IFRD1: variants seen among roughly 807,000 people sequenced by gnomAD.
IFRD1 encodes interferon related developmental regulator 1, also known as interferon-related developmental regulator 1.
In IFRD1, 35 loss-of-function variants were observed where a neutral mutation model predicts 52.9. The observed-to-expected ratio is 0.66, with a 90% confidence interval of 0.51 to 0.88. The LOEUF (loss-of-function observed/expected upper bound fraction) is 0.88. IFRD1 is among the 40% of genes least tolerant of loss of function. The pLI, the probability that IFRD1 is intolerant of heterozygous loss-of-function variation, is 0.00. For synonymous variants in IFRD1, 184 were observed against 188.4 expected, an observed-to-expected ratio of 0.98 and a Z score of 0.19; for missense variants, 517 against 550.8, an observed-to-expected ratio of 0.94 and a Z score of 0.61.
intron 1 of IFRD1, among the ~76,000 whole-genome samples, chr7:112,444,992 C>T (rs1253525094): frequency 6.6e-6 from 1 of 150,796 alleles, no homozygotes; most frequent in South Asian, 2.1e-4. Context: ...CTCCTAGGAA[C>T]AAGCACTCAG....
chr7:112,462,305 A>G lies in IFRD1; in HGVS notation c.833A>G (p.Asp278Gly), dbSNP rs1339967186. ...FHKLPSLLSC[D>G]DVNMRIAAGE... ...AAGCTTCCAAGCCTCCTCTCTTGTG[A>G]TGATGTAAACATGAGAATAGCTGCT... The change falls in exon 8 of 12, where the codon GAT (aspartate) becomes GGT (glycine). Residue 278 changes from aspartate to glycine, a missense_variant. Physicochemically the swap from Asp to Gly is moderately conservative, Grantham distance 94. Transcript: ENST00000403825. The G allele has an allele frequency of 9.3e-6, 15 of 1,613,762 alleles. No individual in the cohort carries two copies. Among genetic ancestry groups the G allele is most frequent in the African/African-American group, 1.3e-5 (1 of 75,034 alleles).
chr7:112,450,456 C>T, upstream of IFRD1: 1 of 573,794 alleles, frequency 1.7e-6, no homozygotes, highest in Non-Finnish European at 3.2e-6. Context: ...GCCTCCCCTG[C>T]CCCGCCTTAG....
upstream of IFRD1, among the ~76,000 whole-genome samples, chr7:112,449,261 G>GA (rs1168351590): frequency 6.6e-6 from 1 of 152,176 alleles, no homozygotes; most frequent in Non-Finnish European, 1.5e-5. Context: ...TTGCTTTGCG[G>GA]GTGGGGAGGG....
At chr7:112,443,225 A>G (rs1409739673) in intron 1 of IFRD1, among the ~76,000 whole-genome samples, 1 of 152,080 alleles carries the variant, frequency 6.6e-6, no homozygotes, top group Non-Finnish European at 1.5e-5. Context: ...AGAAATTTTC[A>G]ACTATTTAAG....
At chr7:112,446,446 A>C (rs1795033011), upstream of IFRD1, 1 of 152,750 alleles carries the variant, frequency 6.5e-6, no homozygotes, top group African/African-American at 2.4e-5. Flanking sequence ...ACAATAGTGA[A>C]TAAAACAGAC....
At chr7:112,445,837 G>A (rs1795015833), upstream of IFRD1, among the ~76,000 whole-genome samples, 2 of 152,112 alleles carry the variant, frequency 1.3e-5, no homozygotes, top group Non-Finnish European at 2.9e-5. Context: ...CAAGTAGCAT[G>A]TAGCTTGTAT....
chr7:112,475,310 T>G (rs1795871819), intron 11 of IFRD1, 120 bp from the exon 12 acceptor site: 1 of 674,668 alleles, frequency 1.5e-6, no homozygotes, highest in Non-Finnish European at 2.6e-6. Flanking sequence ...TTTATAAACA[T>G]TTAAATGTTT....
In IFRD1 at chr7:112,476,751, T is replaced by C. The variant is rs895020175; in HGVS notation, c.*1232T>C. 1 of 152,224 alleles carries C rather than the reference T, an allele frequency of 6.6e-6. No individual in the cohort carries two copies. The highest frequency in any genetic ancestry group is 2.4e-5 in the African/African-American group (1 of 41,458). 9.4% of individuals were successfully genotyped at this position (152,224 alleles called of 1,614,324 possible). ...CAACACGTTAACATTTAATAAACTTTAGATTAAAATATATAGTGCAAGCAA... is the reference window on the plus strand; with the variant it reads ...CAACACGTTAACATTTAATAAACTTCAGATTAAAATATATAGTGCAAGCAA... On this transcript the variant is annotated 3_prime_UTR_variant, in exon 12 of 12. Coordinates refer to ENST00000403825, the MANE Select transcript of IFRD1 (RefSeq NM_001550.4).
chr7:112,425,446 T>G (rs1176324952), intron 1 of IFRD1, among the ~76,000 whole-genome samples: 1 of 152,210 alleles, frequency 6.6e-6, no homozygotes, highest in Non-Finnish European at 1.5e-5. Flanking sequence ...TCTCTCCCTC[T>G]CCCTTCTGGA....
At chr7:112,433,956 A>AAGTAT (rs1794608195) in intron 1 of IFRD1, among the ~76,000 whole-genome samples, 1 of 151,912 alleles carries the variant, frequency 6.6e-6, no homozygotes, top group African/African-American at 2.4e-5. Flanking sequence ...AGTAGCGGGG[A>AAGTAT]CCACAGGCGT....
At position 112,476,540 on chromosome 7, in the gene IFRD1, A is replaced by G. The variant is rs1159510229; in HGVS notation, c.*1021A>G. On this transcript the variant is annotated 3_prime_UTR_variant, in exon 12 of 12. Coordinates refer to ENST00000403825, the MANE Select transcript of IFRD1 (RefSeq NM_001550.4). ...GTGGTGGTGTGTGCTTCTACTCTTT[A>G]TCTACTTGGGTGCTGAGGCAAGAGG... 1 of 152,058 alleles carries G rather than the reference A, an allele frequency of 6.6e-6. No homozygotes were observed. The highest frequency in any genetic ancestry group is 1.5e-5 in the Non-Finnish European group (1 of 68,046). The allele number at this position is 152,058 out of a possible 1,614,324, so 9.4% of individuals were successfully genotyped here. A position where few individuals can be genotyped will look rare whatever the true frequency, so the allele number is the denominator to read the frequency against.
At chr7:112,472,396 T>G (rs767049744) in intron 10 of IFRD1, 49 bp downstream of exon 10, 49 of 1,601,138 alleles carry the variant, frequency 3.1e-5, no homozygotes, top group Non-Finnish European at 3.9e-5. Context: ...GGGAGCAGTC[T>G]TGAATATAGC....
intron 4 of IFRD1, chr7:112,458,310 C>A (rs1201880218): frequency 7.6e-6 from 1 of 131,656 alleles, no homozygotes; most frequent in Non-Finnish European, 1.6e-5. Context: ...CAGAGTGAGA[C>A]CCTGTCTCAA....
chr7:112,450,786 AG>A lies in IFRD1; in HGVS notation c.94+8del. ...GCAGCGACGGCGGCGACAGCAGGTA[AG>A]GGGTATCCCCGCCGCCGGCATCCCA... On this transcript the variant is annotated splice_donor_5th_base_variant and intron_variant, in intron 1 of 11. Transcript: ENST00000403825. 1 of 1,607,020 alleles carries A rather than the reference AG, an allele frequency of 6.2e-7. No homozygotes were observed. The highest frequency in any genetic ancestry group is 8.5e-7 in the Non-Finnish European group (1 of 1,174,872).
chr7:112,427,246 C>T (rs950353574), intron 1 of IFRD1, among the ~76,000 whole-genome samples: 8 of 152,214 alleles, frequency 5.3e-5, no homozygotes, highest in Admixed American at 1.3e-4. Flanking sequence ...GGGCAGAGCC[C>T]TCATGACCTA....
At chr7:112,433,828 T>G (rs1479531459) in intron 1 of IFRD1, among the ~76,000 whole-genome samples, 1 of 144,338 alleles carries the variant, frequency 6.9e-6, no homozygotes, top group Non-Finnish European at 1.5e-5. Flanking sequence ...TAAATATAAT[T>G]TCTTTTTTTT....
upstream of IFRD1, among the ~76,000 whole-genome samples, chr7:112,449,490 G>A (rs1268965913): frequency 1.3e-5 from 2 of 152,038 alleles, no homozygotes; most frequent in Non-Finnish European, 2.9e-5. Flanking sequence ...GTGGAGTGGC[G>A]GATGACTCAC....
At position 112,463,344 on chromosome 7, in the gene IFRD1, G is replaced by T. The variant is rs149284615; in HGVS notation, c.906+966G>T. On this transcript the variant is annotated intron_variant, in intron 8 of 11. Coordinates refer to ENST00000403825, the MANE Select transcript of IFRD1 (RefSeq NM_001550.4). ...ATTCTGAAACTTTTTTGCATTTAAAGAAGTTATTTAACAGTGAACGGTTCC... is the reference window on the plus strand; with the variant it reads ...ATTCTGAAACTTTTTTGCATTTAAATAAGTTATTTAACAGTGAACGGTTCC... Among the ~76,000 whole-genome samples the T allele has an allele frequency of 3.7e-3, 564 of 152,238 alleles. 7 individuals carry two copies. The highest frequency in any genetic ancestry group is 0.027 in the Admixed American group (410 of 15,274).
chr7:112,451,138 G>A (rs916173194), intron 1 of IFRD1: 3 of 238,508 alleles, frequency 1.3e-5, no homozygotes, highest in Non-Finnish European at 8.4e-6. Context: ...CCCGACCACG[G>A]GTGGGGAAGA....
Sources: allele counts gnomAD v4.1 joint callset (sites outside exome capture counted in the v4.1 genomes callset), GRCh38; gene constraint gnomAD v4.1.1; transcripts MANE v1.5; gene names NCBI Gene and HGNC (gene_info 2026-07-23, HGNC 2026-07-21).